The following INSL6 variants were observed in gnomAD, a reference collection of about 807,000 sequenced individuals.
INSL6 encodes insulin-like peptide INSL6.
INSL6 carries 16 observed loss-of-function variants against 9.4 expected under a neutral mutation model. That is an observed-to-expected ratio of 1.70 (90% confidence interval 1.15 to 2.59). The LOEUF is 2.59. Ranked by LOEUF, INSL6 falls within the 30% of genes most tolerant of loss-of-function variation. INSL6 has a pLI of 0.00. For missense variants in INSL6, 391 were observed against 257.3 expected (o/e 1.52, Z -3.56); for synonymous variants, 154 against 96.9 (o/e 1.59, Z -3.46).
the INSL6 span, among the ~76,000 whole-genome samples, chr9:5,060,113 C>G: frequency 6.6e-6 from 1 of 152,146 alleles, no homozygotes; most frequent in Non-Finnish European, 1.5e-5. Flanking sequence ...AAGTGTGCAA[C>G]AGCATTATGT....
the INSL6 span, among the ~76,000 whole-genome samples, chr9:5,062,507 A>G: frequency 3.1e-5 from 3 of 98,342 alleles, no homozygotes; most frequent in African/African-American, 9.9e-5. Flanking sequence ...TTGTAAAAAA[A>G]AAAAAAAAAA....
chr9:5,026,750 A>G, the INSL6 span, among the ~76,000 whole-genome samples: 3 of 152,244 alleles, frequency 2.0e-5, no homozygotes, highest in East Asian at 1.9e-4. Flanking sequence ...TGTTCTATAT[A>G]TGCTTGAAAA....
chr9:5,033,722 A>C, the INSL6 span, among the ~76,000 whole-genome samples: 11 of 152,196 alleles, frequency 7.2e-5, no homozygotes, highest in Admixed American at 2.6e-4. Context: ...GCCTGCCCTA[A>C]AAGAGCTCCT....
At chr9:5,033,755 AG>A in the INSL6 span, among the ~76,000 whole-genome samples, 1 of 152,230 alleles carries the variant, frequency 6.6e-6, no homozygotes, top group Non-Finnish European at 1.5e-5. Context: ...AAACATAGAA[AG>A]GAACAACTGG....
At chr9:5,098,587 C>T in the INSL6 span, 1 of 152,240 alleles carries the variant, frequency 6.6e-6, no homozygotes, top group African/African-American at 2.4e-5. Flanking sequence ...CCTACGTATT[C>T]TGTATAAAAC....
At chr9:5,111,822 C>T in the INSL6 span, 1 of 418,662 alleles carries the variant, frequency 2.4e-6, no homozygotes, top group Non-Finnish European at 4.7e-6. Flanking sequence ...GCGGCGTCTC[C>T]AGCCACACGC....
At chr9:5,051,789 C>T in the INSL6 span, among the ~76,000 whole-genome samples, 1 of 152,198 alleles carries the variant, frequency 6.6e-6, no homozygotes, top group South Asian at 2.1e-4. Context: ...CATTTCTTTG[C>T]CATGTCATCA....
chr9:5,072,139 A>G, the INSL6 span, among the ~76,000 whole-genome samples: 3 of 152,206 alleles, frequency 2.0e-5, no homozygotes. Flanking sequence ...TCTGCAGACC[A>G]CATTCTCTAG....
At chr9:5,151,982 G>A (rs895647517) in intron 2 of INSL6, among the ~76,000 whole-genome samples, 1 of 151,882 alleles carries the variant, frequency 6.6e-6, no homozygotes, top group Non-Finnish European at 1.5e-5. Context: ...TAAGAAAGCT[G>A]GAATATTAGC....
At chr9:5,151,108 GA>G (rs948350153) in intron 2 of INSL6, among the ~76,000 whole-genome samples, 28 of 152,080 alleles carry the variant, frequency 1.8e-4, no homozygotes, top group African/African-American at 6.5e-4. Flanking sequence ...GGAGGTGGAT[GA>G]TGAGAAATTA....
At chr9:5,080,746 A>G in the INSL6 span, 1 of 1,257,866 alleles carries the variant, frequency 7.9e-7, no homozygotes, top group Non-Finnish European at 1.1e-6. Context: ...TTAATGAATC[A>G]TTACTAATTT....
the INSL6 span, among the ~76,000 whole-genome samples, chr9:4,995,667 C>G: frequency 6.6e-6 from 1 of 152,050 alleles, no homozygotes; most frequent in African/African-American, 2.4e-5. Context: ...TTTCCAAGTC[C>G]TGTATAATAT....
the INSL6 span, among the ~76,000 whole-genome samples, chr9:5,013,672 T>G: frequency 4.6e-5 from 7 of 152,250 alleles, no homozygotes; most frequent in African/African-American, 1.7e-4. Context: ...TATTTTCCTT[T>G]TAAGGTCCAG....
chr9:5,032,965 T>C, the INSL6 span, among the ~76,000 whole-genome samples: 1 of 152,116 alleles, frequency 6.6e-6, no homozygotes, highest in Non-Finnish European at 1.5e-5. Flanking sequence ...AGGAGGAAGT[T>C]TGAACTCATG....
Position 5,185,466 on chromosome 9 carries a change from C to CCGCAGAGTTT in INSL6, c.127_136dup (p.Gly46GlufsTer73). 6.2e-7 allele frequency: 1 copy of CCGCAGAGTTT among 1,614,212 alleles called. No homozygotes were observed. The highest frequency in any genetic ancestry group is 8.5e-7 in the Non-Finnish European group (1 of 1,180,038). On this transcript the variant is annotated frameshift_variant, in exon 1 of 2. Coordinates refer to ENST00000381641, the MANE Select transcript of INSL6 (RefSeq NM_007179.3). LOFTEE classifies it high-confidence loss of function. ...ACGGAACTGGCTCCAGTTGGCATGGCCGCAGAGTTTTTCTATTTCTTTCAC... is the reference window on the plus strand; with the variant it reads ...ACGGAACTGGCTCCAGTTGGCATGGCCGCAGAGTTTCGCAGAGTTTTTCTATTTCTTTCAC...
chr9:5,152,641 T>A (rs1284407487), intron 2 of INSL6, among the ~76,000 whole-genome samples: 2 of 152,044 alleles, frequency 1.3e-5, no homozygotes, highest in African/African-American at 4.8e-5. Flanking sequence ...ACTATTAACT[T>A]GATAATCAGG....
chr9:5,181,846 T>G (rs1825462643), intron 1 of INSL6, among the ~76,000 whole-genome samples: 1 of 152,202 alleles, frequency 6.6e-6, no homozygotes, highest in African/African-American at 2.4e-5. Flanking sequence ...GAAAAGATGT[T>G]CAGACCCAGA....
chr9:5,031,128 A>G, the INSL6 span, among the ~76,000 whole-genome samples: 34 of 152,328 alleles, frequency 2.2e-4, no homozygotes, highest in African/African-American at 8.2e-4. Context: ...GGAATATTAC[A>G]AAGATCAATT....
the INSL6 span, chr9:5,109,775 G>C: frequency 6.6e-6 from 1 of 152,062 alleles, no homozygotes; most frequent in African/African-American, 2.4e-5. Flanking sequence ...GTTACCTGTA[G>C]AATTCTCAAT....
Sources: gnomAD v4.1 joint callset for allele counts (sites outside exome capture counted in the v4.1 genomes callset) on GRCh38, gnomAD v4.1.1 for gene constraint, MANE v1.5 for transcripts, NCBI Gene and HGNC (gene_info 2026-07-23, HGNC 2026-07-21) for gene names.